The following CSMD1 variants were observed in gnomAD, a reference collection of about 807,000 sequenced individuals.
The protein encoded by CSMD1 is CUB and Sushi multiple domains 1, also known as CUB and sushi domain-containing protein 1.
In CSMD1, 213 loss-of-function variants were observed where a neutral mutation model predicts 417.5. The ratio of observed to expected loss-of-function variants is 0.51; its 90% CI spans 0.46 to 0.57. The LOEUF is 0.57. CSMD1 is among the 20% of genes least tolerant of loss of function. The pLI is 0.00. For missense variants in CSMD1, 6,923 were observed against 4,529.7 expected, an observed-to-expected ratio of 1.53 and a Z score of -15.17; for synonymous variants, 2,862 against 1,736.8, an observed-to-expected ratio of 1.65 and a Z score of -16.11.
intron 1 of CSMD1, among the ~76,000 whole-genome samples, chr8:4,683,059 T>C (rs994001166): frequency 6.0e-5 from 9 of 149,396 alleles, no homozygotes; most frequent in African/African-American, 2.2e-4. Flanking sequence ...AATAGTCCAA[T>C]GTCATTGTGG....
chr8:3,067,702 A>C (rs1256957509), intron 49 of CSMD1, among the ~76,000 whole-genome samples: 2 of 151,342 alleles, frequency 1.3e-5, no homozygotes, highest in Non-Finnish European at 2.9e-5. Context: ...TATATGAAAT[A>C]TACAATAAAC....
chr8:4,440,699 A>C (rs1380618887), intron 2 of CSMD1, among the ~76,000 whole-genome samples: 3 of 152,186 alleles, frequency 2.0e-5, no homozygotes, highest in South Asian at 2.1e-4. Context: ...ATTATTTTAC[A>C]AATTAATTAA....
rs561209642 is a variant in CSMD1, at chr8:4,633,391, C to T, written c.302+3951G>A. On this transcript the variant is annotated intron_variant, in intron 2 of 69. Transcript: ENST00000635120. ...CCTCCCTAGTAGCTGGGACTACAGG[C>T]GCCCACCACCACGCCCAGCTAATTT... is the stretch of plus-strand genomic sequence containing the variant. 1.2e-3 allele frequency among the ~76,000 whole-genome samples: 176 copies of T among 150,206 alleles called. 1 individual carries two copies. The highest frequency in any genetic ancestry group is 2.0e-3 in the Non-Finnish European group (136 of 67,650).
chr8:4,338,597 A>T (rs1407466210), intron 3 of CSMD1, among the ~76,000 whole-genome samples: 1 of 152,132 alleles, frequency 6.6e-6, no homozygotes, highest in African/African-American at 2.4e-5. Flanking sequence ...CTCATAATAG[A>T]AACACAGCAA....
intron 5 of CSMD1, among the ~76,000 whole-genome samples, 184 bp downstream of exon 5, chr8:3,997,719 C>A (rs544303143): frequency 2.6e-5 from 4 of 152,110 alleles, no homozygotes; most frequent in Non-Finnish European, 4.4e-5. Context: ...ACAAAGACAT[C>A]TTAGAAACTT....
chr8:3,866,085 G>A (rs1805082001), intron 5 of CSMD1, among the ~76,000 whole-genome samples: 1 of 152,080 alleles, frequency 6.6e-6, no homozygotes, highest in Admixed American at 6.6e-5. Flanking sequence ...CTATTCATGA[G>A]CTTTCTTCCA....
chr8:4,359,703 G>A lies in CSMD1; in HGVS notation c.415+60250C>T, dbSNP rs79536777. ...TCCTCAGCCCTCTGGGTTTTAGTGT[G>A]TTTGTCTATAGACAGGAGCACTGTG... On this transcript the variant is annotated intron_variant, in intron 3 of 69. Coordinates refer to ENST00000635120, the MANE Select transcript of CSMD1 (RefSeq NM_033225.6). Among the ~76,000 whole-genome samples, 238 of 152,290 alleles carry A rather than the reference G, an allele frequency of 1.6e-3. 1 individual carries two copies. Among genetic ancestry groups the A allele is most frequent in the African/African-American group, 5.4e-3 (226 of 41,566 alleles).
intron 6 of CSMD1, among the ~76,000 whole-genome samples, chr8:3,740,052 G>C (rs777112680): frequency 2.0e-5 from 3 of 152,134 alleles, no homozygotes; most frequent in African/African-American, 7.2e-5. Flanking sequence ...CTTACAATAT[G>C]CTGTTTTTCA....
At chr8:3,065,994 T>G (rs1812914204) in intron 49 of CSMD1, among the ~76,000 whole-genome samples, 2 of 152,172 alleles carry the variant, frequency 1.3e-5, no homozygotes. Flanking sequence ...GGCAAATGAC[T>G]GTTCAGTCAT....
At chr8:4,376,900 G>C (rs1368063477) in intron 3 of CSMD1, among the ~76,000 whole-genome samples, 1 of 151,994 alleles carries the variant, frequency 6.6e-6, no homozygotes, top group African/African-American at 2.4e-5. Flanking sequence ...TTTGTATTTT[G>C]GACACACTAC....
chr8:3,539,080 TAC>T (rs1365220200), intron 10 of CSMD1, among the ~76,000 whole-genome samples: 2 of 152,200 alleles, frequency 1.3e-5, no homozygotes, highest in African/African-American at 4.8e-5. Context: ...CCACGTCTCT[TAC>T]AGTCTTGCCC....
chr8:3,403,444 G>C (rs1338425541), intron 15 of CSMD1, among the ~76,000 whole-genome samples: 1 of 152,176 alleles, frequency 6.6e-6, no homozygotes, highest in Non-Finnish European at 1.5e-5. Flanking sequence ...CAGTCATTAG[G>C]TTTCTCAACG....
Position 4,630,902 on chromosome 8 carries a change from G to C in CSMD1, c.302+6440C>G, listed in dbSNP as rs117011855. Among the ~76,000 whole-genome samples the C allele has an allele frequency of 4.8e-3, 732 of 152,254 alleles. 5 individuals are homozygous for C. The highest frequency in any genetic ancestry group is 0.014 in the Middle Eastern group (4 of 294). On this transcript the variant is annotated intron_variant, in intron 2 of 69. Coordinates refer to ENST00000635120, the MANE Select transcript of CSMD1 (RefSeq NM_033225.6). ...CCCTCACCCTGTGCTGGTCATATTT[G>C]CTGGTCACTGTCCCAGTCCTGACTG... is the stretch of plus-strand genomic sequence containing the variant.
chr8:4,657,306 G>A (rs1804293753), intron 1 of CSMD1, among the ~76,000 whole-genome samples: 1 of 152,136 alleles, frequency 6.6e-6, no homozygotes, highest in East Asian at 1.9e-4. Context: ...TTGAAGGAGG[G>A]CCCAGCACAC....
At chr8:3,995,163 G>C (rs924641910) in intron 5 of CSMD1, among the ~76,000 whole-genome samples, 1 of 152,154 alleles carries the variant, frequency 6.6e-6, no homozygotes, top group Non-Finnish European at 1.5e-5. Flanking sequence ...TTATGCATTT[G>C]TATAGGCCTT....
At chr8:4,923,415 T>C (rs1283074805) in intron 1 of CSMD1, among the ~76,000 whole-genome samples, 1 of 152,214 alleles carries the variant, frequency 6.6e-6, no homozygotes, top group Admixed American at 6.5e-5. Context: ...AGGATAAATG[T>C]TGGAGGGGAT....
At chr8:4,119,895 G>T (rs751641686) in intron 3 of CSMD1, among the ~76,000 whole-genome samples, 2 of 152,204 alleles carry the variant, frequency 1.3e-5, no homozygotes, top group African/African-American at 2.4e-5. Context: ...GACAGTTGCC[G>T]GAGTCTGGTA....
chr8:3,352,135 G>T (rs1289490352), intron 21 of CSMD1, among the ~76,000 whole-genome samples: 1 of 152,246 alleles, frequency 6.6e-6, no homozygotes, highest in South Asian at 2.1e-4. Flanking sequence ...ATCTCCAAAG[G>T]CCTACTGAGA....
intron 3 of CSMD1, among the ~76,000 whole-genome samples, chr8:4,033,892 C>T (rs964396059): frequency 1.3e-5 from 2 of 152,146 alleles, no homozygotes; most frequent in African/African-American, 4.8e-5. Context: ...TGAAATTCAT[C>T]ATTGTTGGCT....
Sources: gnomAD v4.1 joint callset for allele counts (sites outside exome capture counted in the v4.1 genomes callset) on GRCh38, gnomAD v4.1.1 for gene constraint, MANE v1.5 for transcripts, NCBI Gene and HGNC (gene_info 2026-07-23, HGNC 2026-07-21) for gene names.